RFX4: variants seen among roughly 807,000 people sequenced by gnomAD.
RFX4 encodes transcription factor RFX4.
RFX4 carries 10 observed loss-of-function variants against 95.0 expected under a neutral mutation model. That is an observed-to-expected ratio of 0.11 (90% CI 0.06 to 0.18). The LOEUF is 0.18. Among genes scored for constraint, RFX4 ranks in the 10% least tolerant of loss-of-function variants. The pLI is 1.00. For synonymous variants in RFX4, 321 were observed against 340.7 expected (o/e 0.94, Z 0.64); for missense variants, 640 against 922.0 (o/e 0.69, Z 3.96).
chr12:106,625,910 TG>T (rs1156926619), intron 2 of RFX4, among the ~76,000 whole-genome samples: 1 of 152,162 alleles, frequency 6.6e-6, no homozygotes, highest in Non-Finnish European at 1.5e-5. Flanking sequence ...AGCAAGTAAG[TG>T]GTAGAGTTAA....
chr12:106,660,689 T>C (rs2041053437), intron 4 of RFX4, among the ~76,000 whole-genome samples: 1 of 152,122 alleles, frequency 6.6e-6, no homozygotes, highest in African/African-American at 2.4e-5. Flanking sequence ...GGACTGGTAC[T>C]AGTCTGTGGT....
intron 4 of RFX4, among the ~76,000 whole-genome samples, chr12:106,676,735 T>C (rs1198699377): frequency 1.3e-5 from 2 of 151,868 alleles, no homozygotes; most frequent in African/African-American, 4.8e-5. Flanking sequence ...CACCAGAACA[T>C]CTCCAAGAGG....
rs112660416 is a variant in RFX4, at chr12:106,731,864, GGT to G, written c.1352-263_1352-262del. On this transcript the variant is annotated intron_variant, in intron 13 of 17. Coordinates refer to ENST00000392842, the MANE Select transcript of RFX4 (RefSeq NM_213594.3). ...TGGCTCGGTGGGTGCCATTTTTGAT[GGT>G]GTCATACTGATATAACTTCAGCAAG... Among the ~76,000 whole-genome samples, 1,258 of 151,962 alleles carry G rather than the reference GGT, an allele frequency of 8.3e-3. 24 individuals are homozygous for G. The highest frequency in any genetic ancestry group is 0.029 in the African/African-American group (1,201 of 41,462).
At chr12:106,583,496 C>T (rs1050094402) in intron 1 of RFX4, 133 bp downstream of exon 1, 18 of 787,482 alleles carry the variant, frequency 2.3e-5, no homozygotes, top group Non-Finnish European at 3.0e-5. Flanking sequence ...TAACGCAGAG[C>T]TTGCAGAAGT....
chr12:106,694,234 G>A (rs1018028915), intron 7 of RFX4, among the ~76,000 whole-genome samples: 1 of 152,184 alleles, frequency 6.6e-6, no homozygotes, highest in Non-Finnish European at 1.5e-5. Flanking sequence ...GGAAGTCAGA[G>A]GGGCATGCCT....
chr12:106,698,255 T>C (rs2041919419), intron 8 of RFX4, among the ~76,000 whole-genome samples: 1 of 152,088 alleles, frequency 6.6e-6, no homozygotes, highest in African/African-American at 2.4e-5. Context: ...ATTACAGACG[T>C]GAGCCCCCTA....
intron 17 of RFX4, among the ~76,000 whole-genome samples, chr12:106,753,764 T>C (rs10861659): frequency 0.19 from 29,664 of 152,192 alleles, 3,366 homozygotes; most frequent in South Asian, 0.28. Flanking sequence ...ATTCACTAAG[T>C]GTACACTGAG....
intron 15 of RFX4, among the ~76,000 whole-genome samples, chr12:106,742,247 C>T (rs1312391611): frequency 6.6e-6 from 1 of 152,110 alleles, no homozygotes; most frequent in Non-Finnish European, 1.5e-5. Flanking sequence ...AGTGTAGTGG[C>T]GTGAGCACAG....
chr12:106,654,495 T>C (rs2040917653), intron 4 of RFX4, 144 bp downstream of exon 4: 1 of 906,772 alleles, frequency 1.1e-6, no homozygotes, highest in African/African-American at 1.7e-5. Context: ...AACTTCACTG[T>C]AATACTTTGC....
chr12:106,677,522 G>A (rs1432124407), intron 4 of RFX4, among the ~76,000 whole-genome samples: 1 of 152,102 alleles, frequency 6.6e-6, no homozygotes, highest in African/African-American at 2.4e-5. Flanking sequence ...ATGAGGAAGT[G>A]AAATGATCAT....
chr12:106,587,739 CCG>C (rs1309885354), intron 1 of RFX4, among the ~76,000 whole-genome samples: 1 of 152,208 alleles, frequency 6.6e-6, no homozygotes, highest in East Asian at 1.9e-4. Context: ...TCCCCACGAC[CCG>C]TGGGTCGCCC....
intron 15 of RFX4, among the ~76,000 whole-genome samples, chr12:106,737,449 G>C (rs2042732700): frequency 6.6e-6 from 1 of 151,972 alleles, no homozygotes; most frequent in Non-Finnish European, 1.5e-5. Context: ...GTGCTAGGTT[G>C]GAAGAAGGGT....
At chr12:106,674,782 C>T (rs2041358781) in intron 4 of RFX4, among the ~76,000 whole-genome samples, 1 of 152,198 alleles carries the variant, frequency 6.6e-6, no homozygotes, top group East Asian at 1.9e-4. Flanking sequence ...CTGTTTTGCT[C>T]AGTGTGTTTC....
chr12:106,705,671 GA>G (rs2042070608), intron 8 of RFX4, among the ~76,000 whole-genome samples: 1 of 152,132 alleles, frequency 6.6e-6, no homozygotes, highest in African/African-American at 2.4e-5. Flanking sequence ...AAGTGTTGGA[GA>G]AACTGAATGG....
intron 9 of RFX4, among the ~76,000 whole-genome samples, chr12:106,710,355 C>T (rs1192219378): frequency 6.6e-6 from 1 of 152,090 alleles, no homozygotes; most frequent in Non-Finnish European, 1.5e-5. Flanking sequence ...TTTCATGGCT[C>T]TCAGCTCTTT....
At chr12:106,667,214 G>C (rs951669539) in intron 4 of RFX4, among the ~76,000 whole-genome samples, 1 of 152,116 alleles carries the variant, frequency 6.6e-6, no homozygotes, top group Admixed American at 6.5e-5. Flanking sequence ...CACATGGAAG[G>C]TTAGAGGGGA....
intron 1 of RFX4, among the ~76,000 whole-genome samples, chr12:106,587,549 A>G (rs2039477849): frequency 6.6e-6 from 1 of 152,074 alleles, no homozygotes; most frequent in African/African-American, 2.4e-5. Context: ...GAGGTCTCTA[A>G]TTTCTCTCCA....
At chr12:106,644,528 C>T (rs776053004) in intron 3 of RFX4, among the ~76,000 whole-genome samples, 27 of 152,180 alleles carry the variant, frequency 1.8e-4, no homozygotes, top group Admixed American at 1.4e-3. Context: ...CCACCCCACC[C>T]GGCGCCACTT....
chr12:106,621,603 A>C (rs1174397076), intron 2 of RFX4, among the ~76,000 whole-genome samples: 1 of 152,198 alleles, frequency 6.6e-6, no homozygotes, highest in Non-Finnish European at 1.5e-5. Flanking sequence ...CTCAATCTGC[A>C]TGTATAGCTT....
Sources: gnomAD v4.1 joint callset for allele counts (sites outside exome capture counted in the v4.1 genomes callset) on GRCh38, gnomAD v4.1.1 for gene constraint, MANE v1.5 for transcripts, NCBI Gene and HGNC (gene_info 2026-07-23, HGNC 2026-07-21) for gene names.